Variants in PRIM2 observed in about 807,000 individuals in gnomAD.
PRIM2 encodes DNA primase large subunit.
PRIM2 carries 39 observed loss-of-function variants against 67.3 expected under a neutral mutation model. The observed-to-expected ratio is 0.58, with a 90% confidence interval of 0.45 to 0.76. The LOEUF is 0.76. Ranked by LOEUF, PRIM2 falls within the 30% of genes least tolerant of loss-of-function variation. The pLI, the probability that PRIM2 is intolerant of heterozygous loss-of-function variation, is 0.00. For missense variants in PRIM2, 398 were observed against 598.7 expected (o/e 0.66, Z 3.50); for synonymous variants, 143 against 198.7 (o/e 0.72, Z 2.36).
At chr6:57,389,566 G>A (rs1325045066) in intron 7 of PRIM2, among the ~76,000 whole-genome samples, 46 of 152,168 alleles carry the variant, frequency 3.0e-4, no homozygotes, top group Admixed American at 3.0e-3. Flanking sequence ...TGAAAGGCAG[G>A]TAAGTGGCTC....
chr6:57,284,717 GA>G, the PRIM2 span, among the ~76,000 whole-genome samples: 1 of 152,076 alleles, frequency 6.6e-6, no homozygotes, highest in Non-Finnish European at 1.5e-5. Context: ...TTTTCTGGAA[GA>G]AAATTTGTCA....
At chr6:57,415,972 T>C (rs1187458359) in intron 7 of PRIM2, among the ~76,000 whole-genome samples, 11 of 152,152 alleles carry the variant, frequency 7.2e-5, no homozygotes, top group Admixed American at 6.5e-4. Context: ...ACCATGAGAG[T>C]TGGAATCAAC....
At chr6:57,470,401 CT>C (rs1434548136) in intron 7 of PRIM2, among the ~76,000 whole-genome samples, 1 of 92,156 alleles carries the variant, frequency 1.1e-5, no homozygotes, top group Non-Finnish European at 2.2e-5. Context: ...GCCTCTCCCC[CT>C]CTCCCCTCTC....
the PRIM2 span, among the ~76,000 whole-genome samples, chr6:57,270,403 G>T: frequency 2.0e-5 from 3 of 151,786 alleles, no homozygotes; most frequent in African/African-American, 7.3e-5. Flanking sequence ...ATTGTGAATG[G>T]GAGTTCACTG....
chr6:57,617,804 A>T (rs1460549317), intron 12 of PRIM2, among the ~76,000 whole-genome samples: 1 of 152,158 alleles, frequency 6.6e-6, no homozygotes, highest in African/African-American at 2.4e-5. Context: ...TGTCATAATT[A>T]TCTATAGTCA....
At chr6:57,619,059 T>G (rs1328036288) in intron 12 of PRIM2, among the ~76,000 whole-genome samples, 2 of 152,198 alleles carry the variant, frequency 1.3e-5, no homozygotes, top group African/African-American at 2.4e-5. Flanking sequence ...GGCGCTGGTA[T>G]CCGTGGTTGA....
At chr6:57,506,786 G>T (rs1774259755) in intron 7 of PRIM2, among the ~76,000 whole-genome samples, 1 of 151,960 alleles carries the variant, frequency 6.6e-6, no homozygotes, top group Non-Finnish European at 1.5e-5. Flanking sequence ...TGTCAAGTTG[G>T]TACACAGTAT....
the PRIM2 span, among the ~76,000 whole-genome samples, chr6:57,262,275 G>T: frequency 7.2e-5 from 11 of 152,262 alleles, no homozygotes; most frequent in East Asian, 2.1e-3. Context: ...GGATATATTA[G>T]AAATCCGTGC....
rs1444848326 is a variant in PRIM2, at chr6:57,642,433, A to ACCTTT, written c.1300-3495_1300-3494insCCTTT. Among the ~76,000 whole-genome samples the ACCTTT allele has an allele frequency of 3.1e-3, 328 of 106,876 alleles. 3 individuals carry two copies. Among genetic ancestry groups the ACCTTT allele is most frequent in the East Asian group, 0.011 (31 of 2,878 alleles). The allele number at this position is 106,876 out of a possible 152,430, so 70.1% of individuals were successfully genotyped here. On this transcript the variant is annotated intron_variant, in intron 13 of 13. Coordinates refer to ENST00000615550, the MANE Select transcript of PRIM2 (RefSeq NM_000947.5). ...GATATGCACATACCTTAAATATTAT[A>ACCTTT]TCTTTTTTTTTTTTTTTTTTTTTTT...
At chr6:57,364,714 T>C (rs1019680388) in intron 5 of PRIM2, among the ~76,000 whole-genome samples, 2 of 152,028 alleles carry the variant, frequency 1.3e-5, no homozygotes, top group African/African-American at 2.4e-5. Flanking sequence ...ATCCTTGTGT[T>C]TTGCTACCTT....
rs1259938506 is a variant in PRIM2 at position 57,464,015 on chromosome 6, C to T, written c.694-43372C>T. Among the ~76,000 whole-genome samples the T allele has an allele frequency of 2.6e-5, 4 of 152,258 alleles. No individual in the cohort carries two copies. In the East Asian group the frequency reaches 5.8e-4, roughly 22 times the overall value. On this transcript the variant is annotated intron_variant, in intron 7 of 13. Coordinates refer to ENST00000615550, the MANE Select transcript of PRIM2 (RefSeq NM_000947.5). Reference sequence around the variant, plus strand: ...CTCTCTTTGCCAGGAATGCTCTTTGCACCTCCCTCAGTCGAATGCTGTTTG... The same window carrying T: ...CTCTCTTTGCCAGGAATGCTCTTTGTACCTCCCTCAGTCGAATGCTGTTTG...
chr6:57,473,340 C>T (rs1773382904), intron 7 of PRIM2, among the ~76,000 whole-genome samples: 1 of 152,196 alleles, frequency 6.6e-6, no homozygotes. Flanking sequence ...AGATGTTTAT[C>T]GTCCTTATAG....
At chr6:57,331,568 C>G (rs190171803) in intron 5 of PRIM2, among the ~76,000 whole-genome samples, 1 of 152,094 alleles carries the variant, frequency 6.6e-6, no homozygotes, top group Non-Finnish European at 1.5e-5. Context: ...CCAATTCATT[C>G]TCTTTACTTA....
intron 10 of PRIM2, among the ~76,000 whole-genome samples, chr6:57,550,622 C>G (rs1370715213): frequency 1.3e-5 from 2 of 151,974 alleles, no homozygotes; most frequent in Non-Finnish European, 2.9e-5. Flanking sequence ...CTCTGTTATT[C>G]ATTTATAAAT....
chr6:57,521,848 G>C lies in PRIM2; in HGVS notation c.762-10563G>C, dbSNP rs1308751936. Among the ~76,000 whole-genome samples, 4 of 152,160 alleles carry C rather than the reference G, an allele frequency of 2.6e-5. No homozygotes were observed. In the South Asian group the frequency reaches 8.3e-4, roughly 32 times the overall value. ...TGAACGTCAGAAACTCTGTCTGCTG[G>C]TGGGGAGGGAGGGCAGAGAAATACC... is the stretch of plus-strand genomic sequence containing the variant. On this transcript the variant is annotated intron_variant, in intron 8 of 13. Coordinates refer to ENST00000615550, the MANE Select transcript of PRIM2 (RefSeq NM_000947.5).
chr6:57,637,772 T>C lies in PRIM2; in HGVS notation c.1299+5571T>C, dbSNP rs1458027268. Among the ~76,000 whole-genome samples the C allele has an allele frequency of 1.2e-4, 19 of 152,236 alleles. No individual in the cohort carries two copies. In the East Asian group the frequency reaches 1.7e-3, roughly 14 times the overall value. The stretch of plus-strand genomic sequence containing the variant: ...GGACTATGTGAAAAGACCAAACCTA[T>C]GTTTGATTCTCCCTGAAAGTGACCG... On this transcript the variant is annotated intron_variant, in intron 13 of 13. Coordinates refer to ENST00000615550, the MANE Select transcript of PRIM2 (RefSeq NM_000947.5).
intron 13 of PRIM2, among the ~76,000 whole-genome samples, chr6:57,642,450 T>A (rs1777257989): frequency 7.5e-6 from 1 of 134,042 alleles, no homozygotes; most frequent in Non-Finnish European, 1.6e-5. Flanking sequence ...TTTTTTTTTT[T>A]TTTTTTTTTT....
chr6:57,567,229 ATGTT>A lies in PRIM2; in HGVS notation c.1020+29608_1020+29611del, dbSNP rs1463965183. Among the ~76,000 whole-genome samples the A allele has an allele frequency of 4.6e-5, 7 of 152,208 alleles. No homozygotes were observed. In the East Asian group the frequency reaches 1.2e-3, roughly 25 times the overall value. ...GGTTGAGAAGATGTATAAAATCTGA[ATGTT>A]TGTGTTTTAGATTTTTTGTGTTTGA... On this transcript the variant is annotated intron_variant, in intron 10 of 13. Coordinates refer to ENST00000615550, the MANE Select transcript of PRIM2 (RefSeq NM_000947.5).
intron 10 of PRIM2, among the ~76,000 whole-genome samples, chr6:57,561,151 G>A (rs1775620349): frequency 6.6e-6 from 1 of 152,100 alleles, no homozygotes. Flanking sequence ...AGCTCTTGCC[G>A]CTTCACCTTG....
Sources: allele counts gnomAD v4.1 joint callset (sites outside exome capture counted in the v4.1 genomes callset), GRCh38; gene constraint gnomAD v4.1.1; transcripts MANE v1.5; gene names NCBI Gene and HGNC (gene_info 2026-07-23, HGNC 2026-07-21).